Variants in CDH11 observed in about 807,000 individuals in gnomAD.
The protein encoded by CDH11 is cadherin-11.
A neutral mutation model predicts 67.8 loss-of-function variants in CDH11; 11 were observed. That is an observed-to-expected ratio of 0.16 (90% confidence interval 0.10 to 0.27). CDH11 has a LOEUF of 0.27. Ranked by LOEUF, CDH11 falls within the 10% of genes least tolerant of loss-of-function variation. The probability of loss-of-function intolerance (pLI) is 1.00; values close to 1 mark genes in which losing one functional copy is unlikely to be tolerated. For missense variants in CDH11, 847 were observed against 1,031.2 expected, an observed-to-expected ratio of 0.82 and a Z score of 2.45; for synonymous variants, 419 against 400.0, an observed-to-expected ratio of 1.05 and a Z score of -0.57.
chr16:65,011,135 A>G (rs2073176889), intron 2 of CDH11, among the ~76,000 whole-genome samples: 1 of 149,888 alleles, frequency 6.7e-6, no homozygotes, highest in African/African-American at 2.5e-5. Context: ...ACACACACAT[A>G]TATCACTCAG....
chr16:65,005,543 A>G (rs1340674322), intron 2 of CDH11, among the ~76,000 whole-genome samples: 1 of 152,214 alleles, frequency 6.6e-6, no homozygotes, highest in East Asian at 1.9e-4. Flanking sequence ...GATGTTCAGC[A>G]TGCCTGGAGG....
Position 64,947,859 on chromosome 16 carries a change from G to A in CDH11, c.2135C>T (p.Pro712Leu), listed in dbSNP as rs2071236271. 6.2e-7 allele frequency: 1 copy of A among 1,614,016 alleles called. No individual in the cohort carries two copies. Among genetic ancestry groups the A allele is most frequent in the Admixed American group, 1.7e-5 (1 of 59,996 alleles). ...GAAGTCATCGACATCCACGCTGTTG[G>A]GCGCTGGCCGGAGCCCAGGTCTAGG... is the stretch of plus-strand genomic sequence containing the variant. ...YMPRPGLRPA[P>L]NSVDVDDFIN... is the part of the protein sequence containing the mutation. Residue 712 changes from proline to leucine, a missense_variant, in exon 13 of 13, where the codon CCC becomes CTC. Transcript: ENST00000268603.
chr16:65,063,470 A>G (rs1023624089), intron 1 of CDH11, among the ~76,000 whole-genome samples: 2 of 152,188 alleles, frequency 1.3e-5, no homozygotes, highest in African/African-American at 4.8e-5. Context: ...AAATCAGTGG[A>G]TCAGAGGTTT....
At chr16:65,074,369 A>C (rs888363426) in intron 1 of CDH11, among the ~76,000 whole-genome samples, 1 of 152,246 alleles carries the variant, frequency 6.6e-6, no homozygotes, top group Non-Finnish European at 1.5e-5. Context: ...TAAAAAACTC[A>C]GGGTTCACAC....
intron 1 of CDH11, among the ~76,000 whole-genome samples, chr16:65,092,072 T>C (rs1255197672): frequency 6.6e-6 from 1 of 152,174 alleles, no homozygotes; most frequent in Non-Finnish European, 1.5e-5. Context: ...TGTGAGATTG[T>C]CCTGTCATAG....
rs1384292121 is a variant in CDH11 at position 65,007,646 on chromosome 16, A to T, written c.-172-2605T>A. 3.9e-5 allele frequency among the ~76,000 whole-genome samples: 6 copies of T among 152,204 alleles called. No homozygotes were observed. In the South Asian group the frequency reaches 1.2e-3, roughly 31 times the overall value. ...TGGCACTAATTTGCCATGGAACTTCATTGATTCTACTCGCAGAGGTTCTGT... is the reference window on the plus strand; with the variant it reads ...TGGCACTAATTTGCCATGGAACTTCTTTGATTCTACTCGCAGAGGTTCTGT... On this transcript the variant is annotated intron_variant, in intron 2 of 12. Coordinates refer to ENST00000268603, the MANE Select transcript of CDH11 (RefSeq NM_001797.4).
At chr16:65,010,659 C>A (rs997081755) in intron 2 of CDH11, among the ~76,000 whole-genome samples, 2 of 152,000 alleles carry the variant, frequency 1.3e-5, no homozygotes, top group African/African-American at 2.4e-5. Context: ...AAGACCCCAG[C>A]GCTCTGCAAA....
At chr16:64,956,131 A>G (rs1410383395) in intron 11 of CDH11, among the ~76,000 whole-genome samples, 2 of 152,210 alleles carry the variant, frequency 1.3e-5, no homozygotes, top group Non-Finnish European at 2.9e-5. Context: ...AAAAAACTCA[A>G]TCTTTGGGGT....
chr16:65,079,467 A>G lies in CDH11; in HGVS notation c.-297-25539T>C, dbSNP rs138009816. On this transcript the variant is annotated intron_variant, in intron 1 of 12. Coordinates refer to ENST00000268603, the MANE Select transcript of CDH11 (RefSeq NM_001797.4). ...TGATTCTTGTGACAAAATTTACCTT[A>G]CACTATTGTGTATGCATGTGCGTGT... Among the ~76,000 whole-genome samples, 363 of 152,250 alleles carry G rather than the reference A, an allele frequency of 2.4e-3. 2 individuals carry two copies. Among genetic ancestry groups the G allele is most frequent in the African/African-American group, 8.0e-3 (333 of 41,552 alleles).
chr16:64,967,401 G>A (rs2071867385), intron 11 of CDH11, among the ~76,000 whole-genome samples: 1 of 152,086 alleles, frequency 6.6e-6, no homozygotes, highest in Non-Finnish European at 1.5e-5. Context: ...TTGTGTTTTA[G>A]TAGAGAAGGG....
chr16:65,099,509 G>A (rs2074954980), intron 1 of CDH11, among the ~76,000 whole-genome samples: 3 of 152,058 alleles, frequency 2.0e-5, no homozygotes, highest in Admixed American at 6.5e-5. Flanking sequence ...CTGATAGAGT[G>A]GCAGAAAGAT....
intron 1 of CDH11, among the ~76,000 whole-genome samples, chr16:65,116,853 CCT>C (rs2075253727): frequency 6.6e-6 from 1 of 151,968 alleles, no homozygotes; most frequent in Non-Finnish European, 1.5e-5. Context: ...TCCTCCTTTC[CCT>C]CTCTTCTCTC....
At chr16:65,025,488 A>C (rs974295101) in intron 2 of CDH11, among the ~76,000 whole-genome samples, 25 of 152,186 alleles carry the variant, frequency 1.6e-4, no homozygotes, top group Admixed American at 1.4e-3. Context: ...GACTAAAGGC[A>C]CCCATCACCA....
chr16:65,001,671 A>G (rs1228053833), intron 3 of CDH11, among the ~76,000 whole-genome samples: 1 of 151,976 alleles, frequency 6.6e-6, no homozygotes, highest in Admixed American at 6.6e-5. Flanking sequence ...ATTTCCTATT[A>G]TTTTTCTACT....
intron 2 of CDH11, among the ~76,000 whole-genome samples, chr16:65,028,487 T>G (rs907382873): frequency 6.6e-6 from 1 of 152,088 alleles, no homozygotes; most frequent in Non-Finnish European, 1.5e-5. Context: ...CTATCTATAC[T>G]TGCCCTCTCC....
chr16:64,949,420 T>C (rs930939182), intron 12 of CDH11, among the ~76,000 whole-genome samples: 4 of 117,412 alleles, frequency 3.4e-5, no homozygotes, highest in Admixed American at 1.1e-4. Flanking sequence ...GTGCCTTTTT[T>C]TTTTCTTTTT....
chr16:65,011,445 T>C (rs1366596690), intron 2 of CDH11, among the ~76,000 whole-genome samples: 1 of 152,142 alleles, frequency 6.6e-6, no homozygotes, highest in Non-Finnish European at 1.5e-5. Flanking sequence ...ACAATCAGAC[T>C]TTACATTCTT....
intron 2 of CDH11, among the ~76,000 whole-genome samples, chr16:65,025,610 G>A (rs1449549796): frequency 6.6e-6 from 1 of 152,022 alleles, no homozygotes; most frequent in Non-Finnish European, 1.5e-5. Flanking sequence ...CAAAGTGCTG[G>A]GATGATAGGC....
At chr16:64,967,310 C>T (rs944848045) in intron 11 of CDH11, among the ~76,000 whole-genome samples, 1 of 152,076 alleles carries the variant, frequency 6.6e-6, no homozygotes, top group Non-Finnish European at 1.5e-5. Flanking sequence ...CTCCACCTCC[C>T]GGGTTCAAGC....
Sources: gnomAD v4.1 joint callset for allele counts (sites outside exome capture counted in the v4.1 genomes callset) on GRCh38, gnomAD v4.1.1 for gene constraint, MANE v1.5 for transcripts, NCBI Gene and HGNC (gene_info 2026-07-23, HGNC 2026-07-21) for gene names.